Variants in DLGAP2 observed in about 807,000 individuals in gnomAD.
The protein encoded by DLGAP2 is DLG associated protein 2, also known as disks large-associated protein 2.
DLGAP2 carries 26 observed loss-of-function variants against 100.3 expected under a neutral mutation model. The ratio of observed to expected loss-of-function variants is 0.26; its 90% CI spans 0.19 to 0.36. The LOEUF (loss-of-function observed/expected upper bound fraction) is 0.36. Ranked by LOEUF, DLGAP2 falls within the 10% of genes least tolerant of loss-of-function variation. The pLI is 1.00. For synonymous variants in DLGAP2, 886 were observed against 630.1 expected (o/e 1.41, Z -6.08); for missense variants, 1,858 against 1,453.2 (o/e 1.28, Z -4.53).
chr8:1,455,034 G>C (rs1261094501), intron 3 of DLGAP2, among the ~76,000 whole-genome samples: 1 of 152,300 alleles, frequency 6.6e-6, no homozygotes, highest in East Asian at 1.9e-4. Flanking sequence ...GGGGGTCTGG[G>C]GAGGGGGGGA....
At chr8:814,807 A>G (rs951876267) in intron 1 of DLGAP2, among the ~76,000 whole-genome samples, 21 of 134,640 alleles carry the variant, frequency 1.6e-4, no homozygotes, top group African/African-American at 5.4e-4. Context: ...AGCTGAGATC[A>G]TGTTACACCA....
At chr8:787,755 G>C (rs1010764679) in intron 1 of DLGAP2, among the ~76,000 whole-genome samples, 12 of 152,210 alleles carry the variant, frequency 7.9e-5, no homozygotes, top group South Asian at 4.1e-4. Flanking sequence ...ACACCCAAAA[G>C]TTCATCTTCC....
At chr8:1,320,816 G>A (rs868420467) in intron 3 of DLGAP2, among the ~76,000 whole-genome samples, 13 of 152,316 alleles carry the variant, frequency 8.5e-5, no homozygotes, top group South Asian at 8.3e-4. Flanking sequence ...TGGAGGTGCT[G>A]CCACCTGTGT....
intron 3 of DLGAP2, among the ~76,000 whole-genome samples, chr8:1,287,471 C>CGTGT (rs764935176): frequency 2.6e-4 from 6 of 23,340 alleles, no homozygotes; most frequent in Non-Finnish European, 3.4e-4. Context: ...TTCGGTTCAG[C>CGTGT]GTGTGTGTGT....
intron 6 of DLGAP2, among the ~76,000 whole-genome samples, chr8:1,588,707 G>C (rs1409016322): frequency 7.8e-6 from 1 of 128,002 alleles, no homozygotes; most frequent in Non-Finnish European, 1.6e-5. Flanking sequence ...TTCAAGACCA[G>C]TCTGGCCAAC....
intron 3 of DLGAP2, among the ~76,000 whole-genome samples, chr8:1,292,226 C>G (rs143746117): frequency 0.018 from 2,698 of 152,304 alleles, 30 homozygotes; most frequent in South Asian, 0.037. Flanking sequence ...GCTCTGTCAC[C>G]TGTACTCAAA....
At chr8:968,963 C>G (rs1799947953) in intron 2 of DLGAP2, among the ~76,000 whole-genome samples, 1 of 152,194 alleles carries the variant, frequency 6.6e-6, no homozygotes, top group South Asian at 2.1e-4. Context: ...TTCCCGCGAA[C>G]CAATCAAGGA....
chr8:1,296,262 T>C (rs1193632141), intron 3 of DLGAP2: 1 of 150,992 alleles, frequency 6.6e-6, no homozygotes, highest in Non-Finnish European at 1.5e-5. Context: ...GTTGAATAGA[T>C]ATGACCCTTG....
At chr8:750,077 C>A (rs1263995381) in intron 1 of DLGAP2, among the ~76,000 whole-genome samples, 6 of 152,270 alleles carry the variant, frequency 3.9e-5, no homozygotes, top group African/African-American at 1.4e-4. Flanking sequence ...TAGTTCATCA[C>A]CTCTGCAAAG....
At chr8:938,565 C>T (rs1169268105) in intron 2 of DLGAP2, among the ~76,000 whole-genome samples, 1 of 152,218 alleles carries the variant, frequency 6.6e-6, no homozygotes, top group Non-Finnish European at 1.5e-5. Flanking sequence ...CTACAAGGGC[C>T]TCCCCTGCTC....
chr8:856,878 T>G (rs1207395380), intron 1 of DLGAP2, among the ~76,000 whole-genome samples: 2 of 152,204 alleles, frequency 1.3e-5, no homozygotes, highest in Non-Finnish European at 2.9e-5. Flanking sequence ...AAATTGATCC[T>G]AAAGGTTACA....
chr8:1,488,933 A>C (rs950710806), intron 3 of DLGAP2, among the ~76,000 whole-genome samples: 1 of 152,132 alleles, frequency 6.6e-6, no homozygotes, highest in Non-Finnish European at 1.5e-5. Flanking sequence ...CCCCACAGCT[A>C]CCATTTCAGA....
At chr8:1,096,893 G>A (rs1311854227) in intron 2 of DLGAP2, among the ~76,000 whole-genome samples, 11 of 141,948 alleles carry the variant, frequency 7.7e-5, no homozygotes, top group South Asian at 6.9e-4. Flanking sequence ...CTCCTCCAGC[G>A]TGAGACCCAC....
chr8:1,677,860 C>G (rs779051721), intron 11 of DLGAP2, among the ~76,000 whole-genome samples: 1 of 152,190 alleles, frequency 6.6e-6, no homozygotes, highest in Non-Finnish European at 1.5e-5. Context: ...AAAGAAGCAA[C>G]CCATGGCTTT....
chr8:1,583,954 C>A, intron 6 of DLGAP2, among the ~76,000 whole-genome samples: 1 of 152,064 alleles, frequency 6.6e-6, no homozygotes, highest in East Asian at 1.9e-4. Context: ...GTCATCCTTC[C>A]ATGCCCAGCT....
At chr8:1,314,421 T>C (rs1268081050) in intron 3 of DLGAP2, among the ~76,000 whole-genome samples, 2 of 152,254 alleles carry the variant, frequency 1.3e-5, no homozygotes, top group African/African-American at 4.8e-5. Flanking sequence ...CAATATTTTT[T>C]TAAAACTCCA....
chr8:1,452,180 A>T (rs1202825113), intron 3 of DLGAP2, among the ~76,000 whole-genome samples: 2 of 151,966 alleles, frequency 1.3e-5, no homozygotes, highest in East Asian at 3.9e-4. Flanking sequence ...CCGTGGCTGG[A>T]TGTTCTGTGG....
At chr8:795,892 C>G (rs1796021569) in intron 1 of DLGAP2, among the ~76,000 whole-genome samples, 1 of 126,402 alleles carries the variant, frequency 7.9e-6, no homozygotes, top group Non-Finnish European at 1.7e-5. Flanking sequence ...AGCAGGCGTC[C>G]AGTGAGAGCA....
intron 2 of DLGAP2, among the ~76,000 whole-genome samples, chr8:1,043,810 A>C (rs775294071): frequency 6.6e-6 from 1 of 151,984 alleles, no homozygotes; most frequent in Non-Finnish European, 1.5e-5. Flanking sequence ...GGGGTGGGCA[A>C]TGCCTCTTTG....
Sources: allele counts gnomAD v4.1 joint callset (sites outside exome capture counted in the v4.1 genomes callset), GRCh38; gene constraint gnomAD v4.1.1; transcripts MANE v1.5; gene names NCBI Gene and HGNC (gene_info 2026-07-23, HGNC 2026-07-21).